Variants in COMMD10 observed in about 807,000 individuals in gnomAD.
COMMD10 encodes COMM domain-containing protein 10.
In COMMD10, 33 loss-of-function variants were observed where a neutral mutation model predicts 28.9. The ratio of observed to expected loss-of-function variants is 1.14; its 90% CI spans 0.87 to 1.53. The LOEUF (loss-of-function observed/expected upper bound fraction) is 1.53. Ranked by LOEUF, COMMD10 falls within the 40% of genes most tolerant of loss-of-function variation. COMMD10 has a pLI of 0.00. For synonymous variants in COMMD10, 110 were observed against 81.7 expected, an observed-to-expected ratio of 1.35 and a Z score of -1.87; for missense variants, 310 against 233.4, an observed-to-expected ratio of 1.33 and a Z score of -2.14.
intron 4 of COMMD10, among the ~76,000 whole-genome samples, chr5:116,104,189 C>A (rs1293694868): frequency 2.6e-5 from 4 of 152,128 alleles, no homozygotes; most frequent in Admixed American, 1.3e-4. Flanking sequence ...TGAGGAAAGT[C>A]AATGGTAGCT....
At chr5:116,252,149 TG>T (rs1750137276) in intron 5 of COMMD10, among the ~76,000 whole-genome samples, 1 of 146,868 alleles carries the variant, frequency 6.8e-6, no homozygotes, top group Admixed American at 6.8e-5. Context: ...TGGGGTTGTT[TG>T]TTTTTTTCTT....
chr5:116,190,060 C>G (rs769488788), intron 5 of COMMD10, among the ~76,000 whole-genome samples: 2 of 152,116 alleles, frequency 1.3e-5, no homozygotes, highest in African/African-American at 2.4e-5. Context: ...TCCTTCAACA[C>G]AGTGATTGGT....
rs1253236180 is a variant in COMMD10, at chr5:116,142,045, GA to G, written c.510+7870del. Among the ~76,000 whole-genome samples the G allele has an allele frequency of 4.6e-5, 7 of 151,714 alleles. No individual in the cohort carries two copies. In the Admixed American group the frequency reaches 4.6e-4, roughly 10 times the overall value. On this transcript the variant is annotated intron_variant, in intron 5 of 6. Coordinates refer to ENST00000274458, the MANE Select transcript of COMMD10 (RefSeq NM_016144.4). ...TACTGTAGAAAACTTAGAAATTATA[GA>G]AACGTGAAAGGAAAAACTGTTAAAC...
At chr5:116,291,742 G>T (rs1751367565) in intron 6 of COMMD10, among the ~76,000 whole-genome samples, 166 bp downstream of exon 6, 1 of 150,982 alleles carries the variant, frequency 6.6e-6, no homozygotes. Flanking sequence ...CAGAAATGAA[G>T]AGAATTTGAA....
chr5:116,134,149 C>T lies in COMMD10; in HGVS notation c.481C>T (p.Gln161Ter), dbSNP rs753266343. The change falls in exon 5 of 7, where the codon CAA becomes TAA. Residue 161 changes from glutamine (Q) to a stop codon, truncating the protein, a stop_gained. Transcript: ENST00000274458. LOFTEE classifies it high-confidence loss of function. ...ACTAAAATCTCCTCAAGCTGTGTTA[C>T]AACTCGGAGTGAACAATGAAGATTC... ...AKLKSPQAVL[Q>*]LGVNNEDSKS... The T allele has an allele frequency of 1.2e-6, 2 of 1,608,212 alleles. No homozygotes were observed. The highest frequency in any genetic ancestry group is 1.7e-6 in the Non-Finnish European group (2 of 1,174,544).
chr5:116,120,250 G>C (rs913911224), intron 4 of COMMD10, among the ~76,000 whole-genome samples: 2 of 152,146 alleles, frequency 1.3e-5, no homozygotes, highest in African/African-American at 2.4e-5. Context: ...AGTAATTCAG[G>C]AATGGAAAAC....
At chr5:116,126,131 A>T (rs1281943021) in intron 4 of COMMD10, among the ~76,000 whole-genome samples, 1 of 151,556 alleles carries the variant, frequency 6.6e-6, no homozygotes, top group Non-Finnish European at 1.5e-5. Context: ...CTATACGCCA[A>T]TAACAAACAG....
intron 5 of COMMD10, among the ~76,000 whole-genome samples, chr5:116,271,876 G>A (rs946766708): frequency 2.0e-5 from 3 of 151,682 alleles, no homozygotes; most frequent in African/African-American, 7.3e-5. Context: ...CCAACTCTGT[G>A]ATACAAATGA....
chr5:116,096,689 T>G (rs1402827693), intron 4 of COMMD10, among the ~76,000 whole-genome samples: 2 of 152,114 alleles, frequency 1.3e-5, no homozygotes, highest in Non-Finnish European at 2.9e-5. Context: ...GCATTCAGGC[T>G]CTTATCATTA....
intron 5 of COMMD10, among the ~76,000 whole-genome samples, chr5:116,223,769 A>G (rs1005240558): frequency 2.6e-5 from 4 of 152,162 alleles, no homozygotes; most frequent in African/African-American, 9.7e-5. Flanking sequence ...TGATCGTAGG[A>G]GTGGAGGCAG....
At chr5:116,257,612 G>T (rs76055713) in intron 5 of COMMD10, among the ~76,000 whole-genome samples, 1 of 151,646 alleles carries the variant, frequency 6.6e-6, no homozygotes, top group East Asian at 1.9e-4. Flanking sequence ...TTAGCAGGGG[G>T]CCCTTTACCT....
rs1452582837 is a variant in COMMD10, at chr5:116,210,236, A to G, written c.510+76058A>G. On this transcript the variant is annotated intron_variant, in intron 5 of 6. Transcript: ENST00000274458. Reference sequence around the variant, plus strand: ...CATTTGCAATGGCAATTAAATTTCAATGTGAGTTTTTGAGGAGACAAACCA... The same window carrying G: ...CATTTGCAATGGCAATTAAATTTCAGTGTGAGTTTTTGAGGAGACAAACCA... Among the ~76,000 whole-genome samples, 10 of 152,134 alleles carry G rather than the reference A, an allele frequency of 6.6e-5. 1 individual carries two copies. Among genetic ancestry groups the G allele is most frequent in the African/African-American group, 2.2e-4 (9 of 41,430 alleles).
intron 5 of COMMD10, among the ~76,000 whole-genome samples, chr5:116,157,832 C>T (rs1028252047): frequency 1.3e-5 from 2 of 152,046 alleles, no homozygotes; most frequent in Admixed American, 6.6e-5. Context: ...TACATCATGT[C>T]CAGAACTGCT....
chr5:116,161,981 C>G lies in COMMD10; in HGVS notation c.510+27803C>G, dbSNP rs143438115. ...TTAAAATGAGAAACCAGAAGTTTTT[C>G]TCCCTCATGTTAATGATGGTCCAAT... is the stretch of plus-strand genomic sequence containing the variant. On this transcript the variant is annotated intron_variant, in intron 5 of 6. Coordinates refer to ENST00000274458, the MANE Select transcript of COMMD10 (RefSeq NM_016144.4). Among the ~76,000 whole-genome samples, 184 of 152,278 alleles carry G rather than the reference C, an allele frequency of 1.2e-3. 2 individuals carry two copies. Among genetic ancestry groups the G allele is most frequent in the African/African-American group, 3.9e-3 (161 of 41,572 alleles).
intron 5 of COMMD10, among the ~76,000 whole-genome samples, chr5:116,250,281 T>G (rs899256025): frequency 6.6e-6 from 1 of 151,924 alleles, no homozygotes; most frequent in African/African-American, 2.4e-5. Context: ...TTTCTTAATA[T>G]GCATTTGGTA....
rs1749151487 is a variant in COMMD10, at chr5:116,218,089, A to T, written c.511-73428A>T. ...CTGTTTTGACATCTCCATTTTCTGC[A>T]GGGTTATTCCCCTCCTTGCCAGCAT... On this transcript the variant is annotated intron_variant, in intron 5 of 6. Transcript: ENST00000274458. 2.3e-6 allele frequency: 3 copies of T among 1,303,158 alleles called. No homozygotes were observed. In the South Asian group the frequency reaches 3.5e-5, roughly 15 times the overall value. The allele number at this position is 1,303,158 out of a possible 1,614,324, so 80.7% of individuals were successfully genotyped here.
chr5:116,174,060 C>A (rs1753424916), intron 5 of COMMD10, among the ~76,000 whole-genome samples: 1 of 152,162 alleles, frequency 6.6e-6, no homozygotes, highest in Middle Eastern at 3.4e-3. Flanking sequence ...AGTGTATACT[C>A]TATCAGGTTG....
intron 4 of COMMD10, among the ~76,000 whole-genome samples, chr5:116,106,478 G>A (rs1178564054): frequency 6.6e-6 from 1 of 152,192 alleles, no homozygotes; most frequent in African/African-American, 2.4e-5. Flanking sequence ...GGTGTGGAGA[G>A]TTCTGTAGAT....
At chr5:116,116,297 C>CT (rs1242603192) in intron 4 of COMMD10, among the ~76,000 whole-genome samples, 2 of 152,038 alleles carry the variant, frequency 1.3e-5, no homozygotes, top group Non-Finnish European at 2.9e-5. Flanking sequence ...ACTTTAAAAA[C>CT]TTATGTTCTC....
Sources: gnomAD v4.1 joint callset for allele counts (sites outside exome capture counted in the v4.1 genomes callset) on GRCh38, gnomAD v4.1.1 for gene constraint, MANE v1.5 for transcripts, NCBI Gene and HGNC (gene_info 2026-07-23, HGNC 2026-07-21) for gene names.